The following DCLRE1C variants were observed in gnomAD, a reference collection of about 807,000 sequenced individuals.
DCLRE1C encodes the protein DNA cross-link repair 1C, also known as protein artemis.
In DCLRE1C, 47 loss-of-function variants were observed where a neutral mutation model predicts 61.4. That is an observed-to-expected ratio of 0.77 (90% CI 0.61 to 0.98). DCLRE1C has a LOEUF of 0.98. Ranked by LOEUF, DCLRE1C falls within the 50% of genes least tolerant of loss-of-function variation. The pLI is 0.00. For synonymous variants in DCLRE1C, 337 were observed against 287.6 expected, an observed-to-expected ratio of 1.17 and a Z score of -1.74; for missense variants, 858 against 816.0, an observed-to-expected ratio of 1.05 and a Z score of -0.63.
chr10:14,916,441 CAA>C (rs1244061579), intron 13 of DCLRE1C, among the ~76,000 whole-genome samples: 5 of 152,120 alleles, frequency 3.3e-5, no homozygotes. Context: ...ATCCCTAATC[CAA>C]AAGTCTGACA....
At position 14,909,099 on chromosome 10, in the gene DCLRE1C, A is replaced by G. The variant is rs1564366143; in HGVS notation, c.1388T>C (p.Val463Ala). 6.2e-6 allele frequency: 10 copies of G among 1,614,204 alleles called. No individual in the cohort carries two copies. The highest frequency in any genetic ancestry group is 1.7e-5 in the Admixed American group (1 of 60,020). The change falls in exon 14 of 14, where the codon GTA becomes GCA. Residue 463 changes from valine (V) to alanine (A), a missense_variant. Physicochemically the swap from Val to Ala is moderately conservative, Grantham distance 64 (BLOSUM62 0). Coordinates refer to ENST00000378278, the MANE Select transcript of DCLRE1C (RefSeq NM_001033855.3). ...TCCTTGCAGTGAAGCTGGGATTCCTACTTCTTCTTCACTTTCACTGTTGGA... is the reference window on the plus strand; with the variant it reads ...TCCTTGCAGTGAAGCTGGGATTCCTGCTTCTTCTTCACTTTCACTGTTGGA... ...EESNSESEEE[V>A]GIPASLQGDL...
chr10:14,903,581 AC>A (rs1289131048), downstream of DCLRE1C: 1 of 152,176 alleles, frequency 6.6e-6, no homozygotes, highest in Non-Finnish European at 1.5e-5. Flanking sequence ...ATAAAGCTAA[AC>A]TTGGCCAAAG....
chr10:14,912,714 G>GAGTCTCGCTCTGTCGCCCACACTGGACAA (rs1429938122), intron 13 of DCLRE1C, among the ~76,000 whole-genome samples: 16 of 152,114 alleles, frequency 1.1e-4, no homozygotes, highest in African/African-American at 3.4e-4. Context: ...TTTTGAGACA[G>GAGTCTCGCTCTGTCGCCCACACTGGACAA]AGTCTCGCTC....
chr10:14,952,678 C>T (rs1266097165), intron 1 of DCLRE1C, among the ~76,000 whole-genome samples: 1 of 152,056 alleles, frequency 6.6e-6, no homozygotes, highest in Non-Finnish European at 1.5e-5. Context: ...CACTGTACTC[C>T]AGCCTGGGCG....
chr10:14,935,340 C>T (rs1282531651), intron 6 of DCLRE1C, 123 bp downstream of exon 6: 2 of 1,064,902 alleles, frequency 1.9e-6, no homozygotes, highest in Non-Finnish European at 1.4e-6. Context: ...GTGGCACGTA[C>T]CTGTTATCCC....
chr10:14,900,583 T>A (rs1410475827), downstream of DCLRE1C, among the ~76,000 whole-genome samples: 1 of 152,230 alleles, frequency 6.6e-6, no homozygotes, highest in East Asian at 1.9e-4. Context: ...CAAACAGTTT[T>A]GATTCCTTAG....
In DCLRE1C at chr10:14,907,410, T is replaced by C. The variant is rs1156405721; in HGVS notation, c.*998A>G. The stretch of plus-strand genomic sequence containing the variant: ...TCTGCTAGTTTGGGGTGGTGTGTTC[T>C]ATAAATGTCAATTTAATCCAGTCGG... On this transcript the variant is annotated 3_prime_UTR_variant, in exon 14 of 14. Coordinates refer to ENST00000378278, the MANE Select transcript of DCLRE1C (RefSeq NM_001033855.3). Among the ~76,000 whole-genome samples the C allele has an allele frequency of 1.3e-5, 2 of 151,862 alleles. No homozygotes were observed. The highest frequency in any genetic ancestry group is 2.9e-5 in the Non-Finnish European group (2 of 67,956).
At chr10:14,936,398 T>C in intron 5 of DCLRE1C, 140 bp downstream of exon 5, 1 of 576,282 alleles carries the variant, frequency 1.7e-6, no homozygotes, top group Non-Finnish European at 3.2e-6. Flanking sequence ...TCCTCCCGCG[T>C]CAGCCTCCCA....
chr10:14,953,463 G>C (rs943883175), intron 1 of DCLRE1C, among the ~76,000 whole-genome samples: 3 of 152,066 alleles, frequency 2.0e-5, no homozygotes, highest in African/African-American at 7.2e-5. Flanking sequence ...CTTGCACTTC[G>C]TGGAGCTCTT....
At chr10:14,947,856 T>TC (rs1327294876) in intron 2 of DCLRE1C, among the ~76,000 whole-genome samples, 2 of 152,118 alleles carry the variant, frequency 1.3e-5, no homozygotes, top group African/African-American at 4.8e-5. Context: ...GGTCAGGAGT[T>TC]CGAGACCAGC....
intron 13 of DCLRE1C, among the ~76,000 whole-genome samples, chr10:14,914,882 A>T (rs903151270): frequency 6.6e-5 from 10 of 152,030 alleles, no homozygotes; most frequent in African/African-American, 2.4e-4. Context: ...AGAGGTTGCA[A>T]TGAGCCAAGA....
chr10:14,898,302 A>T (rs541001233), exon 14 of DCLRE1C: 1 of 144,804 alleles, frequency 6.9e-6, no homozygotes, highest in Non-Finnish European at 1.5e-5. Flanking sequence ...CAGGTCACAT[A>T]GTAATAAGAA....
chr10:14,930,456 AGAGTCTTG>A (rs1838799306), intron 9 of DCLRE1C, among the ~76,000 whole-genome samples: 1 of 141,522 alleles, frequency 7.1e-6, no homozygotes, highest in Non-Finnish European at 1.5e-5. Context: ...TTTTTGAGGC[AGAGTCTTG>A]CTCTGTCACC....
exon 14 of DCLRE1C, chr10:14,898,618 G>C (rs1416395554): frequency 2.6e-5 from 4 of 152,176 alleles, no homozygotes; most frequent in African/African-American, 9.6e-5. Context: ...AATTTTTTAA[G>C]TTGCATTCTT....
intron 4 of DCLRE1C, among the ~76,000 whole-genome samples, chr10:14,937,052 A>G (rs74124754): frequency 0.015 from 2,249 of 152,308 alleles, 58 homozygotes; most frequent in African/African-American, 0.05. Context: ...ATAAGAAATG[A>G]ACACATGTTG....
chr10:14,926,657 CAAA>C (rs74328549), intron 11 of DCLRE1C, among the ~76,000 whole-genome samples, 183 bp downstream of exon 11: 18 of 64,318 alleles, frequency 2.8e-4, no homozygotes, highest in Admixed American at 5.0e-4. Context: ...CTGTCTCAAC[CAAA>C]AAAAAAAAAA....
chr10:14,933,907 G>C (rs41297040), intron 8 of DCLRE1C, among the ~76,000 whole-genome samples: 8,095 of 152,220 alleles, frequency 0.053, 375 homozygotes, highest in East Asian at 0.17. Context: ...TATTCCTTCA[G>C]AGGGCCCGCG....
chr10:14,902,777 A>G (rs2131729633), downstream of DCLRE1C: 1 of 225,164 alleles, frequency 4.4e-6, no homozygotes, highest in East Asian at 8.9e-5. Flanking sequence ...GTATATGTGT[A>G]CTTAAGTCTA....
chr10:14,906,139 G>T lies in DCLRE1C; in HGVS notation c.*2269C>A, dbSNP rs920817553. 1.3e-5 allele frequency among the ~76,000 whole-genome samples: 2 copies of T among 152,186 alleles called. No homozygotes were observed. Among genetic ancestry groups the T allele is most frequent in the Non-Finnish European group, 2.9e-5 (2 of 68,034 alleles). On this transcript the variant is annotated 3_prime_UTR_variant, in exon 14 of 14. Coordinates refer to ENST00000378278, the MANE Select transcript of DCLRE1C (RefSeq NM_001033855.3). Reference sequence around the variant, plus strand: ...AGATCATGGTCTCTGAAGCCAAACTGCCTGTGTTTGAATTCTGCCTGTGCC... The same window carrying T: ...AGATCATGGTCTCTGAAGCCAAACTTCCTGTGTTTGAATTCTGCCTGTGCC...
Sources: gnomAD v4.1 joint callset for allele counts (sites outside exome capture counted in the v4.1 genomes callset) on GRCh38, gnomAD v4.1.1 for gene constraint, MANE v1.5 for transcripts, NCBI Gene and HGNC (gene_info 2026-07-23, HGNC 2026-07-21) for gene names.